Variants in ALCAM observed in about 807,000 individuals in gnomAD.
The protein encoded by ALCAM is activated leukocyte cell adhesion molecule, also known as CD166 antigen.
ALCAM carries 30 observed loss-of-function variants against 70.9 expected under a neutral mutation model. That is an observed-to-expected ratio of 0.42 (90% CI 0.32 to 0.57). The LOEUF (loss-of-function observed/expected upper bound fraction) is 0.57. Among genes scored for constraint, ALCAM ranks in the 20% least tolerant of loss-of-function variants. The pLI is 0.11. For missense variants in ALCAM, 591 were observed against 695.1 expected (o/e 0.85, Z 1.68); for synonymous variants, 249 against 242.5 (o/e 1.03, Z -0.25).
chr3:105,486,736 T>C (rs1938439414), intron 1 of ALCAM, among the ~76,000 whole-genome samples: 1 of 152,118 alleles, frequency 6.6e-6, no homozygotes, highest in South Asian at 2.1e-4. Flanking sequence ...AAAGTCAGCT[T>C]CTTATAGTTA....
intron 1 of ALCAM, among the ~76,000 whole-genome samples, chr3:105,444,523 G>T (rs960837807): frequency 6.6e-6 from 1 of 152,116 alleles, no homozygotes; most frequent in Non-Finnish European, 1.5e-5. Context: ...TTTGCAGTGA[G>T]ATTTGGTTGG....
intron 1 of ALCAM, among the ~76,000 whole-genome samples, chr3:105,478,522 C>T (rs1049070979): frequency 6.6e-6 from 1 of 152,130 alleles, no homozygotes; most frequent in Non-Finnish European, 1.5e-5. Flanking sequence ...AGTCCATACA[C>T]ATACGCAAAC....
chr3:105,396,557 A>T (rs1935955384), intron 1 of ALCAM, among the ~76,000 whole-genome samples: 1 of 152,076 alleles, frequency 6.6e-6, no homozygotes. Context: ...AAGCATTAGT[A>T]CAAATTGAGT....
intron 1 of ALCAM, among the ~76,000 whole-genome samples, chr3:105,450,925 C>T (rs567217002): frequency 7.2e-5 from 11 of 151,744 alleles, no homozygotes; most frequent in South Asian, 4.2e-4. Context: ...AGAAGAATGA[C>T]GTAGAGTTTT....
intron 1 of ALCAM, among the ~76,000 whole-genome samples, chr3:105,445,722 C>T (rs189703537): frequency 6.6e-6 from 1 of 152,216 alleles, no homozygotes; most frequent in East Asian, 1.9e-4. Flanking sequence ...CAAGTATACA[C>T]GTGAAGAAAG....
chr3:105,396,576 A>T (rs76092469), intron 1 of ALCAM, among the ~76,000 whole-genome samples: 2,354 of 152,192 alleles, frequency 0.015, 27 homozygotes, highest in Middle Eastern at 0.048. Context: ...GTTTTTAAGT[A>T]GAATTAATTT....
chr3:105,546,265 T>C (rs1372835478), intron 9 of ALCAM, among the ~76,000 whole-genome samples: 1 of 151,426 alleles, frequency 6.6e-6, no homozygotes, highest in Admixed American at 6.6e-5. Flanking sequence ...GAATTACCTT[T>C]ATAAGAAACT....
intron 15 of ALCAM, 71 bp downstream of exon 15, chr3:105,572,035 C>G (rs1225107483): frequency 5.8e-6 from 5 of 856,316 alleles, no homozygotes; most frequent in Non-Finnish European, 8.9e-6. Context: ...AGATGAAGTC[C>G]TTTATGTTAA....
At chr3:105,562,205 A>G (rs1559657616) in intron 14 of ALCAM, among the ~76,000 whole-genome samples, 1 of 152,228 alleles carries the variant, frequency 6.6e-6, no homozygotes, top group Non-Finnish European at 1.5e-5. Context: ...TGTAACTCAT[A>G]AAATTCCAAC....
chr3:105,464,812 T>C (rs537605974), intron 1 of ALCAM, among the ~76,000 whole-genome samples: 1 of 151,524 alleles, frequency 6.6e-6, no homozygotes, highest in South Asian at 2.1e-4. Context: ...AAGAATATTT[T>C]AAAAATATAA....
At chr3:105,471,658 AATTT>A (rs1232933785) in intron 1 of ALCAM, among the ~76,000 whole-genome samples, 4 of 151,342 alleles carry the variant, frequency 2.6e-5, no homozygotes, top group Non-Finnish European at 5.9e-5. Flanking sequence ...GTTTTTTTCA[AATTT>A]ATTTATTTTA....
At chr3:105,554,056 C>T (rs1940467414) in intron 14 of ALCAM, among the ~76,000 whole-genome samples, 2 of 151,798 alleles carry the variant, frequency 1.3e-5, no homozygotes, top group Admixed American at 6.6e-5. Flanking sequence ...ACTTGGTATA[C>T]GAGTCAGGAT....
At chr3:105,484,149 G>A (rs1304909152) in intron 1 of ALCAM, among the ~76,000 whole-genome samples, 1 of 151,704 alleles carries the variant, frequency 6.6e-6, no homozygotes, top group Non-Finnish European at 1.5e-5. Flanking sequence ...GCCATTGTAT[G>A]TCAAATACAT....
At chr3:105,435,457 A>G (rs971577805) in intron 1 of ALCAM, among the ~76,000 whole-genome samples, 3 of 152,374 alleles carry the variant, frequency 2.0e-5, no homozygotes, top group South Asian at 4.1e-4. Context: ...CATTGCTATC[A>G]TATGACTCAA....
At chr3:105,445,031 G>A (rs1937261087) in intron 1 of ALCAM, among the ~76,000 whole-genome samples, 1 of 152,104 alleles carries the variant, frequency 6.6e-6, no homozygotes, top group Non-Finnish European at 1.5e-5. Flanking sequence ...ATTTATCTTA[G>A]TCTATACGAT....
chr3:105,540,552 A>T (rs1245334425), intron 7 of ALCAM, among the ~76,000 whole-genome samples: 2 of 151,922 alleles, frequency 1.3e-5, no homozygotes, highest in East Asian at 3.9e-4. Context: ...TTTGGTCATT[A>T]TGTATAATCT....
chr3:105,392,693 T>C (rs1423228432), intron 1 of ALCAM, among the ~76,000 whole-genome samples: 5 of 151,832 alleles, frequency 3.3e-5, no homozygotes, highest in African/African-American at 1.2e-4. Context: ...GAGATCTTTC[T>C]AACTTTTTGA....
chr3:105,376,910 G>C (rs754839616), intron 1 of ALCAM, among the ~76,000 whole-genome samples: 3 of 152,092 alleles, frequency 2.0e-5, no homozygotes, highest in Non-Finnish European at 4.4e-5. Flanking sequence ...AAGTTTTGAA[G>C]GTTGAGGCAA....
intron 1 of ALCAM, among the ~76,000 whole-genome samples, chr3:105,393,802 AATTCTTCATT>A (rs1935882035): frequency 6.6e-6 from 1 of 151,948 alleles, no homozygotes; most frequent in Non-Finnish European, 1.5e-5. Context: ...CTATAACCAT[AATTCTTCATT>A]ATAAGTCAAA....
Sources: gnomAD v4.1 joint callset for allele counts (sites outside exome capture counted in the v4.1 genomes callset) on GRCh38, gnomAD v4.1.1 for gene constraint, MANE v1.5 for transcripts, NCBI Gene and HGNC (gene_info 2026-07-23, HGNC 2026-07-21) for gene names.